The following PTPRD variants were observed in gnomAD, a reference collection of about 807,000 sequenced individuals.
The protein encoded by PTPRD is receptor-type tyrosine-protein phosphatase delta.
A neutral mutation model predicts 214.5 loss-of-function variants in PTPRD; 34 were observed. The ratio of observed to expected loss-of-function variants is 0.16; its 90% CI spans 0.12 to 0.21. PTPRD has a LOEUF of 0.21. Among genes scored for constraint, PTPRD ranks in the 10% least tolerant of loss-of-function variants. The pLI is 1.00. For missense variants in PTPRD, 2,545 were observed against 2,398.7 expected (o/e 1.06, Z -1.27); for synonymous variants, 1,128 against 845.7 (o/e 1.33, Z -5.79).
chr9:9,788,756 T>C (rs1265168517), intron 5 of PTPRD, among the ~76,000 whole-genome samples: 1 of 151,946 alleles, frequency 6.6e-6, no homozygotes, highest in East Asian at 1.9e-4. Flanking sequence ...TTAGGAAATG[T>C]GATAACCAAA....
chr9:8,801,405 A>C (rs935877196), intron 11 of PTPRD, among the ~76,000 whole-genome samples: 2 of 152,216 alleles, frequency 1.3e-5, no homozygotes, highest in African/African-American at 2.4e-5. Flanking sequence ...TTTTGATGAT[A>C]ACGTGAAATA....
At chr9:8,358,016 C>A (rs1328363152) in intron 39 of PTPRD, among the ~76,000 whole-genome samples, 1 of 152,166 alleles carries the variant, frequency 6.6e-6, no homozygotes, top group Admixed American at 6.5e-5. Context: ...TTAGTCTATA[C>A]ATACAGATCA....
intron 35 of PTPRD, among the ~76,000 whole-genome samples, chr9:8,408,971 A>C (rs917710161): frequency 6.6e-6 from 1 of 152,230 alleles, no homozygotes; most frequent in Non-Finnish European, 1.5e-5. Context: ...TGATGGTCTG[A>C]AAGTTCTAAT....
intron 2 of PTPRD, among the ~76,000 whole-genome samples, chr9:10,372,159 C>A (rs566538998): frequency 6.6e-6 from 1 of 152,224 alleles, no homozygotes; most frequent in Admixed American, 6.6e-5. Context: ...TAGTACAATA[C>A]AGTTTTCTTT....
Position 8,339,109 on chromosome 9 carries a change from C to G in PTPRD, c.5254-62G>C, listed in dbSNP as rs910215751. 4 of 1,417,096 alleles carry G rather than the reference C, an allele frequency of 2.8e-6. No individual in the cohort carries two copies. In the African/African-American group the frequency reaches 5.9e-5, roughly 21 times the overall value. 87.8% of individuals were successfully genotyped at this position (1,417,096 alleles called of 1,614,324 possible). A position where few individuals can be genotyped will look rare whatever the true frequency, so the allele number is the denominator to read the frequency against. ...GTATAAAGAACATTCTGTATATTAT[C>G]TATCTATCTATCTAATCTATCTAAT... On this transcript the variant is annotated intron_variant, in intron 42 of 45. Coordinates refer to ENST00000381196, the MANE Select transcript of PTPRD (RefSeq NM_002839.4).
chr9:9,317,794 G>T (rs1383230472), intron 9 of PTPRD, among the ~76,000 whole-genome samples: 2 of 152,064 alleles, frequency 1.3e-5, no homozygotes, highest in Non-Finnish European at 2.9e-5. Flanking sequence ...CAAAATTCAT[G>T]ATATTAATAA....
At chr9:10,481,481 T>C (rs1234914015) in intron 2 of PTPRD, among the ~76,000 whole-genome samples, 2 of 152,100 alleles carry the variant, frequency 1.3e-5, no homozygotes, top group Admixed American at 6.5e-5. Flanking sequence ...AACTGAGTAA[T>C]GTAACATGAA....
intron 3 of PTPRD, among the ~76,000 whole-genome samples, chr9:10,300,921 G>A (rs575088285): frequency 6.6e-6 from 1 of 152,126 alleles, no homozygotes; most frequent in Admixed American, 6.6e-5. Flanking sequence ...TCTGATAAGG[G>A]TCAGACTGCC....
chr9:8,468,798 G>GAAAAA (rs35027583), intron 31 of PTPRD, among the ~76,000 whole-genome samples: 4 of 123,516 alleles, frequency 3.2e-5, no homozygotes, highest in African/African-American at 3.1e-5. Context: ...ATCCATGGTA[G>GAAAAA]AAAAAAAAAA....
chr9:10,394,003 A>C (rs765552219), intron 2 of PTPRD, among the ~76,000 whole-genome samples: 154 of 147,628 alleles, frequency 1.0e-3, no homozygotes, highest in Non-Finnish European at 1.8e-3. Flanking sequence ...GCCTCATGGA[A>C]TTTACATTAC....
At chr9:9,865,664 G>A (rs770792325) in intron 5 of PTPRD, among the ~76,000 whole-genome samples, 5 of 152,072 alleles carry the variant, frequency 3.3e-5, no homozygotes, top group Non-Finnish European at 5.9e-5. Flanking sequence ...AAATAAGAAA[G>A]TTCTCTGTAA....
chr9:9,704,501 C>T (rs2211134), intron 7 of PTPRD, among the ~76,000 whole-genome samples: 18,258 of 152,146 alleles, frequency 0.12, 1,358 homozygotes, highest in East Asian at 0.34. Flanking sequence ...TCTTTGATAA[C>T]TCCCCAATTC....
At chr9:10,584,267 C>G (rs965787672) in intron 2 of PTPRD, among the ~76,000 whole-genome samples, 1 of 152,032 alleles carries the variant, frequency 6.6e-6, no homozygotes, top group Non-Finnish European at 1.5e-5. Flanking sequence ...AGCCTAGGAA[C>G]TGTATTTGGC....
chr9:8,498,360 C>T (rs1003278840), intron 25 of PTPRD, among the ~76,000 whole-genome samples: 9 of 152,132 alleles, frequency 5.9e-5, no homozygotes, highest in Non-Finnish European at 5.9e-5. Flanking sequence ...ACTGCAAACT[C>T]CACCTCCTGG....
At chr9:9,045,275 C>T (rs540878451) in intron 10 of PTPRD, among the ~76,000 whole-genome samples, 2 of 152,230 alleles carry the variant, frequency 1.3e-5, no homozygotes, top group South Asian at 2.1e-4. Context: ...CTTCAAGGGT[C>T]AGTCATGTTG....
intron 10 of PTPRD, among the ~76,000 whole-genome samples, chr9:9,165,912 C>A (rs916764534): frequency 2.0e-5 from 3 of 152,008 alleles, no homozygotes; most frequent in African/African-American, 4.8e-5. Context: ...AATAAAACAA[C>A]CAACTATAAT....
intron 7 of PTPRD, among the ~76,000 whole-genome samples, chr9:9,716,353 C>A (rs887604535): frequency 4.6e-5 from 7 of 151,340 alleles, no homozygotes; most frequent in Admixed American, 1.3e-4. Flanking sequence ...ATTTATAGTC[C>A]TTTGGGTATA....
At chr9:10,308,524 A>G (rs185043802) in intron 3 of PTPRD, among the ~76,000 whole-genome samples, 777 of 151,332 alleles carry the variant, frequency 5.1e-3, no homozygotes, top group African/African-American at 0.018. Context: ...CTTTGTGTTC[A>G]AGATTGCTTT....
chr9:9,376,037 TC>T (rs1419564868), intron 9 of PTPRD, among the ~76,000 whole-genome samples: 6 of 152,116 alleles, frequency 3.9e-5, no homozygotes, highest in Non-Finnish European at 7.3e-5. Context: ...TAAGACATTT[TC>T]ATAATATAAA....
Sources: gnomAD v4.1 joint callset for allele counts (sites outside exome capture counted in the v4.1 genomes callset) on GRCh38, gnomAD v4.1.1 for gene constraint, MANE v1.5 for transcripts, NCBI Gene and HGNC (gene_info 2026-07-23, HGNC 2026-07-21) for gene names.